MTFR1: variants seen among roughly 807,000 people sequenced by gnomAD.
MTFR1 encodes the protein chondrocyte protein with a poly-proline region.
Under a neutral mutation model 38.8 loss-of-function variants are expected in MTFR1, and 28 were observed. That is an observed-to-expected ratio of 0.72 (90% CI 0.53 to 0.99). MTFR1 has a LOEUF of 0.99. MTFR1 is among the 50% of genes least tolerant of loss of function. The probability of loss-of-function intolerance (pLI) is 0.00; values close to 1 mark genes in which losing one functional copy is unlikely to be tolerated. For missense variants in MTFR1, 358 were observed against 395.5 expected, an observed-to-expected ratio of 0.91 and a Z score of 0.81; for synonymous variants, 145 against 137.0, an observed-to-expected ratio of 1.06 and a Z score of -0.41.
intron 3 of MTFR1, among the ~76,000 whole-genome samples, chr8:65,752,166 C>T (rs1807999920): frequency 6.6e-6 from 1 of 152,158 alleles, no homozygotes; most frequent in Admixed American, 6.5e-5. Flanking sequence ...TCTTCTTTCC[C>T]CTTTCCTCTT....
intron 2 of MTFR1, chr8:65,718,312 C>T (rs1806226050): frequency 6.6e-6 from 1 of 152,330 alleles, no homozygotes; most frequent in Admixed American, 6.5e-5. Flanking sequence ...TACATTCACA[C>T]ACAACATACC....
chr8:65,727,057 T>C (rs973722745), intron 3 of MTFR1: 4 of 998,338 alleles, frequency 4.0e-6, no homozygotes, highest in Admixed American at 1.9e-5. Flanking sequence ...ATTAATCTGG[T>C]TAAAATTCTA....
intron 6 of MTFR1, among the ~76,000 whole-genome samples, chr8:65,707,578 C>T (rs1335025002): frequency 1.3e-5 from 2 of 152,196 alleles, no homozygotes; most frequent in African/African-American, 2.4e-5. Flanking sequence ...ACTAGACATG[C>T]ATGGAACAGG....
intron 3 of MTFR1, chr8:65,723,756 A>G: frequency 1.8e-6 from 1 of 541,192 alleles, no homozygotes; most frequent in Non-Finnish European, 2.9e-6. Context: ...CTTCGCAATT[A>G]GTTCTTTTTA....
intron 1 of MTFR1, among the ~76,000 whole-genome samples, chr8:65,656,368 C>A (rs1355580678): frequency 3.3e-5 from 5 of 152,062 alleles, no homozygotes; most frequent in South Asian, 2.1e-4. Context: ...GGGTCTTGCT[C>A]TGTTGTCCAG....
At chr8:65,708,156 AT>A in intron 7 of MTFR1, 145 bp downstream of exon 7, 2 of 1,525,924 alleles carry the variant, frequency 1.3e-6, no homozygotes, top group Non-Finnish European at 1.8e-6. Context: ...TTACAAGTAG[AT>A]CACGGCTGGT....
downstream of MTFR1, among the ~76,000 whole-genome samples, chr8:65,711,366 C>CAAAT (rs1805939065): frequency 6.6e-6 from 1 of 150,486 alleles, no homozygotes; most frequent in South Asian, 2.1e-4. Flanking sequence ...CTAGCAGAAA[C>CAAAT]AAATACTTTG....
intron 3 of MTFR1, among the ~76,000 whole-genome samples, chr8:65,739,888 A>AC (rs1314923621): frequency 6.6e-6 from 1 of 152,200 alleles, no homozygotes; most frequent in Non-Finnish European, 1.5e-5. Flanking sequence ...ATGAGAATAG[A>AC]CAATAGAAAA....
intron 1 of MTFR1, among the ~76,000 whole-genome samples, chr8:65,648,823 C>T (rs1016863516): frequency 6.6e-6 from 1 of 151,984 alleles, no homozygotes; most frequent in Non-Finnish European, 1.5e-5. Context: ...TCTTTTTAAA[C>T]ATTTAAGATT....
intron 3 of MTFR1, chr8:65,727,662 T>C (rs1227941884): frequency 5.9e-6 from 1 of 169,834 alleles, no homozygotes; most frequent in South Asian, 1.8e-4. Context: ...TTTATTACTG[T>C]AGCCATTACT....
chr8:65,675,924 A>G (rs1344882842), intron 2 of MTFR1, among the ~76,000 whole-genome samples: 1 of 152,228 alleles, frequency 6.6e-6, no homozygotes, highest in African/African-American at 2.4e-5. Context: ...AAGTGAGAAT[A>G]GTGTGAAGCT....
chr8:65,726,587 T>C (rs1174228062), intron 3 of MTFR1, among the ~76,000 whole-genome samples: 3 of 152,208 alleles, frequency 2.0e-5, no homozygotes, highest in African/African-American at 7.2e-5. Flanking sequence ...TATCTATTTA[T>C]GTAAATAAGT....
chr8:65,756,191 A>G (rs1041669375), intron 3 of MTFR1, among the ~76,000 whole-genome samples: 2 of 152,196 alleles, frequency 1.3e-5, no homozygotes, highest in African/African-American at 4.8e-5. Context: ...TGATTTCAAA[A>G]TTCTTACTCT....
intron 2 of MTFR1, among the ~76,000 whole-genome samples, chr8:65,678,470 A>G (rs1038091474): frequency 1.3e-5 from 2 of 152,214 alleles, no homozygotes; most frequent in Admixed American, 1.3e-4. Context: ...GTACTATGTA[A>G]TTCACAAGTA....
chr8:65,735,206 C>T (rs1255951613), intron 3 of MTFR1, among the ~76,000 whole-genome samples: 1 of 152,200 alleles, frequency 6.6e-6, no homozygotes, highest in Non-Finnish European at 1.5e-5. Flanking sequence ...GAAAGCGAGC[C>T]TACCTGTGAT....
intron 4 of MTFR1, among the ~76,000 whole-genome samples, chr8:65,695,947 AC>A (rs1262429313): frequency 6.6e-6 from 1 of 151,822 alleles, no homozygotes; most frequent in Non-Finnish European, 1.5e-5. Context: ...CTCCCCCATC[AC>A]CCTCCCCAAC....
intron 3 of MTFR1, among the ~76,000 whole-genome samples, chr8:65,767,147 C>T (rs745601414): frequency 3.9e-5 from 6 of 152,152 alleles, no homozygotes; most frequent in Non-Finnish European, 8.8e-5. Flanking sequence ...TCTTGTAGCC[C>T]TCAACACCAA....
At chr8:65,727,428 A>G (rs1006435783) in intron 3 of MTFR1, 3 of 1,370,648 alleles carry the variant, frequency 2.2e-6, no homozygotes, top group Non-Finnish European at 2.9e-6. Flanking sequence ...GTCATTCCTC[A>G]GGTGGTTGTT....
At chr8:65,663,339 C>T (rs1177602892) in intron 1 of MTFR1, among the ~76,000 whole-genome samples, 4 of 151,842 alleles carry the variant, frequency 2.6e-5, no homozygotes, top group African/African-American at 4.8e-5. Flanking sequence ...GCAGCATGCT[C>T]GTTAAGAGTC....
Sources: gnomAD v4.1 joint callset for allele counts (sites outside exome capture counted in the v4.1 genomes callset) on GRCh38, gnomAD v4.1.1 for gene constraint, MANE v1.5 for transcripts, NCBI Gene and HGNC (gene_info 2026-07-23, HGNC 2026-07-21) for gene names.